The following GNAO1 variants were observed in gnomAD, a reference collection of about 807,000 sequenced individuals.
GNAO1 encodes guanine nucleotide-binding protein G(o) subunit alpha.
For missense variants in GNAO1, 166 were observed against 478.7 expected (o/e 0.35, Z 6.10); for synonymous variants, 164 against 180.7 (o/e 0.91, Z 0.74).
chr16:56,277,721 G>A (rs2037073300), intron 3 of GNAO1, among the ~76,000 whole-genome samples: 1 of 151,088 alleles, frequency 6.6e-6, no homozygotes, highest in South Asian at 2.1e-4. Flanking sequence ...TAAGTGGGGA[G>A]CGTGATATCT....
intron 2 of GNAO1, among the ~76,000 whole-genome samples, chr16:56,261,733 A>T (rs1245303627): frequency 6.6e-6 from 1 of 152,046 alleles, no homozygotes; most frequent in Non-Finnish European, 1.5e-5. Flanking sequence ...GCAAAATGGG[A>T]TGGGGGCAGC....
intron 2 of GNAO1, among the ~76,000 whole-genome samples, chr16:56,238,017 C>G (rs2036656260): frequency 6.6e-6 from 1 of 152,164 alleles, no homozygotes; most frequent in South Asian, 2.1e-4. Flanking sequence ...ATACATTTTA[C>G]AATATTCTGA....
chr16:56,223,074 A>T (rs925282328), intron 2 of GNAO1, among the ~76,000 whole-genome samples: 1 of 152,152 alleles, frequency 6.6e-6, no homozygotes, highest in Admixed American at 6.5e-5. Context: ...AAACAATAAG[A>T]TGTATTGTTT....
intron 3 of GNAO1, among the ~76,000 whole-genome samples, chr16:56,325,334 G>T (rs1263785175): frequency 6.6e-6 from 1 of 152,174 alleles, no homozygotes; most frequent in African/African-American, 2.4e-5. Flanking sequence ...AAATTAGCCG[G>T]GCGTGGTGGC....
intron 2 of GNAO1, among the ~76,000 whole-genome samples, chr16:56,254,706 G>A (rs1202434722): frequency 1.3e-5 from 2 of 152,006 alleles, no homozygotes; most frequent in African/African-American, 4.8e-5. Flanking sequence ...TCCATCTACA[G>A]TATGTTTATA....
intron 3 of GNAO1, among the ~76,000 whole-genome samples, chr16:56,317,969 C>A (rs1293488995): frequency 2.6e-5 from 4 of 152,156 alleles, no homozygotes; most frequent in Non-Finnish European, 4.4e-5. Context: ...TAAGCCCAAG[C>A]GAGGAAAGAG....
chr16:56,196,460 C>G (rs2036234192), intron 2 of GNAO1, among the ~76,000 whole-genome samples: 3 of 152,116 alleles, frequency 2.0e-5, no homozygotes, highest in Admixed American at 2.0e-4. Flanking sequence ...ACAAAGAAAT[C>G]CCATAACAAG....
chr16:56,253,646 T>C (rs1179781718), intron 2 of GNAO1, among the ~76,000 whole-genome samples: 1 of 152,226 alleles, frequency 6.6e-6, no homozygotes, highest in Non-Finnish European at 1.5e-5. Context: ...GCCTCCATGC[T>C]GAGCCCTGTT....
At chr16:56,235,113 C>T (rs1375778891) in intron 2 of GNAO1, 2 of 348,148 alleles carry the variant, frequency 5.7e-6, no homozygotes. Flanking sequence ...TCACAACTCT[C>T]AGGGTGCAGT....
chr16:56,198,759 T>C lies in GNAO1; in HGVS notation c.161+6143T>C, dbSNP rs575909200. 5.3e-5 allele frequency among the ~76,000 whole-genome samples: 8 copies of C among 152,308 alleles called. No individual in the cohort carries two copies. In the East Asian group the frequency reaches 1.3e-3, roughly 26 times the overall value. On this transcript the variant is annotated intron_variant, in intron 2 of 8. Coordinates refer to ENST00000262493, the MANE Select transcript of GNAO1 (RefSeq NM_020988.3). ...TTTTATTCCTTTGATTAGTGGGTGT[T>C]CCCTTCCCATGTGGAGTTCTCTTGT...
intron 2 of GNAO1, among the ~76,000 whole-genome samples, chr16:56,221,626 T>C (rs1051254525): frequency 1.6e-5 from 2 of 124,034 alleles, no homozygotes; most frequent in Admixed American, 1.0e-4. Context: ...CTCTGCAGCC[T>C]GGGTGACAAA....
In GNAO1 at chr16:56,343,901, T is replaced by C. The variant is rs1307303367; in HGVS notation, c.723+7041T>C. The C allele has an allele frequency of 1.6e-5, 26 of 1,614,170 alleles. No individual in the cohort carries two copies. Among genetic ancestry groups the C allele is most frequent in the Non-Finnish European group, 2.0e-5 (24 of 1,180,038 alleles). On this transcript the variant is annotated intron_variant, in intron 6 of 8. Transcript: ENST00000262493. The stretch of plus-strand genomic sequence containing the variant: ...AACATCCAGTTTGTCTTTGATGCTG[T>C]GACGGACGTCATCATCGCCAAAAAC...
rs570871718 is a variant in GNAO1 at position 56,202,638 on chromosome 16, A to C, written c.161+10022A>C. Among the ~76,000 whole-genome samples the C allele has an allele frequency of 4.1e-4, 63 of 152,190 alleles. 1 individual carries two copies. Among genetic ancestry groups the C allele is most frequent in the Non-Finnish European group, 7.5e-4 (51 of 68,028 alleles). On this transcript the variant is annotated intron_variant, in intron 2 of 8. Coordinates refer to ENST00000262493, the MANE Select transcript of GNAO1 (RefSeq NM_020988.3). ...CTCCTTCCCTAAGACAGACAGGAGG[A>C]CAGTAAGGATGGGAAGTCTGTAGAG...
At chr16:56,314,304 T>C (rs1045889306) in intron 3 of GNAO1, among the ~76,000 whole-genome samples, 2 of 152,168 alleles carry the variant, frequency 1.3e-5, no homozygotes, top group African/African-American at 2.4e-5. Flanking sequence ...GCTCACTGGT[T>C]CATTTTTGGG....
intron 2 of GNAO1, among the ~76,000 whole-genome samples, chr16:56,238,331 T>C (rs951556226): frequency 6.6e-6 from 1 of 152,190 alleles, no homozygotes; most frequent in Non-Finnish European, 1.5e-5. Flanking sequence ...TCCTAAAGGC[T>C]GGAGACACAC....
chr16:56,311,446 A>G lies in GNAO1; in HGVS notation c.304-17185A>G, dbSNP rs1282066025. On this transcript the variant is annotated intron_variant, in intron 3 of 8. Coordinates refer to ENST00000262493, the MANE Select transcript of GNAO1 (RefSeq NM_020988.3). The surrounding 1 kb of genome is among the most constrained non-coding windows in gnomAD (Gnocchi z 5.2). ...CCCTTCCCCACCCGGGCCTGACCCC[A>G]TACCCAGAGTCACCCAGTGTCTGTC... Among the ~76,000 whole-genome samples the G allele has an allele frequency of 2.6e-5, 4 of 152,110 alleles. No individual in the cohort carries two copies. Among genetic ancestry groups the G allele is most frequent in the African/African-American group, 9.7e-5 (4 of 41,410 alleles).
At chr16:56,246,857 A>G (rs2036749971) in intron 2 of GNAO1, among the ~76,000 whole-genome samples, 1 of 152,116 alleles carries the variant, frequency 6.6e-6, no homozygotes, top group South Asian at 2.1e-4. Flanking sequence ...TAAAGAGCGA[A>G]TGTTTAATTT....
chr16:56,334,547 C>A (rs749455349), intron 4 of GNAO1, among the ~76,000 whole-genome samples, 182 bp from the exon 5 acceptor site: 17 of 152,192 alleles, frequency 1.1e-4, no homozygotes, highest in Non-Finnish European at 2.1e-4. Context: ...GAGGCCAAGA[C>A]CCCTAAGACC....
chr16:56,282,745 G>A (rs1375316366), intron 3 of GNAO1, among the ~76,000 whole-genome samples: 3 of 152,242 alleles, frequency 2.0e-5, no homozygotes, highest in African/African-American at 7.2e-5. Context: ...TATACATGGA[G>A]GTTATACATT....
Sources: allele counts gnomAD v4.1 joint callset (sites outside exome capture counted in the v4.1 genomes callset), GRCh38; gene constraint gnomAD v4.1.1; non-coding constraint Gnocchi (gnomAD v3.1); transcripts MANE v1.5; gene names NCBI Gene and HGNC (gene_info 2026-07-23, HGNC 2026-07-21).